The following KANSL1 variants were observed in gnomAD, a reference collection of about 807,000 sequenced individuals.
KANSL1 encodes MLL1/MLL complex subunit KANSL1.
Under a neutral mutation model 103.6 loss-of-function variants are expected in KANSL1, and 22 were observed. The observed-to-expected ratio is 0.21, with a 90% confidence interval of 0.15 to 0.30. KANSL1 has a LOEUF of 0.30. Ranked by LOEUF, KANSL1 falls within the 10% of genes least tolerant of loss-of-function variation. KANSL1 has a pLI of 1.00. For missense variants in KANSL1, 1,337 were observed against 1,399.8 expected, an observed-to-expected ratio of 0.96 and a Z score of 0.72; for synonymous variants, 600 against 527.6, an observed-to-expected ratio of 1.14 and a Z score of -1.88.
upstream of KANSL1, among the ~76,000 whole-genome samples, chr17:46,225,182 C>G (rs957053357): frequency 6.6e-6 from 1 of 152,026 alleles, no homozygotes; most frequent in African/African-American, 2.4e-5. Flanking sequence ...GCGGCGCCCG[C>G]TCCCCGGGCC....
intron 1 of KANSL1, among the ~76,000 whole-genome samples, chr17:46,188,821 C>T (rs1459148402): frequency 1.3e-5 from 2 of 151,766 alleles, no homozygotes; most frequent in African/African-American, 2.4e-5. Flanking sequence ...ACCTGAGGTC[C>T]GGAGTTCAAC....
intron 1 of KANSL1, among the ~76,000 whole-genome samples, chr17:46,189,649 C>T (rs1236860363): frequency 1.3e-5 from 2 of 152,070 alleles, no homozygotes; most frequent in Non-Finnish European, 2.9e-5. Flanking sequence ...TCTGGGAGGC[C>T]GAGGCAGGTG....
At position 46,126,792 on chromosome 17, in the gene KANSL1, C is replaced by T. The variant is rs183153037; in HGVS notation, c.1290-32091G>A. Among the ~76,000 whole-genome samples the T allele has an allele frequency of 2.9e-4, 44 of 152,266 alleles. No individual in the cohort carries two copies. The East Asian group carries it at 6.8e-3, about 23-fold the overall frequency. ...AATTTGATTACCCTAAAAACAAATA[C>T]ATAAACAGCCCGCAAGTTTAGCTCC... On this transcript the variant is annotated intron_variant, in intron 2 of 14. Transcript: ENST00000432791.
chr17:46,107,650 CA>C (rs2042626992), intron 2 of KANSL1, among the ~76,000 whole-genome samples: 1 of 152,204 alleles, frequency 6.6e-6, no homozygotes, highest in Non-Finnish European at 1.5e-5. Flanking sequence ...TTCTGACTCC[CA>C]AATTCCTACC....
At chr17:46,099,273 G>A (rs1344261915) in intron 2 of KANSL1, among the ~76,000 whole-genome samples, 1 of 111,960 alleles carries the variant, frequency 8.9e-6, no homozygotes, top group African/African-American at 2.7e-5. Flanking sequence ...GCAGTGAGCC[G>A]AGATTGCGCC....
intron 7 of KANSL1, chr17:46,049,336 T>A (rs1215508712): frequency 7.0e-6 from 1 of 141,970 alleles, no homozygotes; most frequent in Non-Finnish European, 1.5e-5. Context: ...ACCTCTGGCC[T>A]CCAGGTTCAA....
chr17:46,061,952 C>T lies in KANSL1; in HGVS notation c.1848+4585G>A, dbSNP rs945500607. On this transcript the variant is annotated intron_variant, in intron 6 of 14. Transcript: ENST00000432791. ...ACTAAAAATACAAATATTAGCCAGG[C>T]GTCGTCGTGGGTGCCTGTGATCCCA... is the stretch of plus-strand genomic sequence containing the variant. 7.2e-5 allele frequency among the ~76,000 whole-genome samples: 11 copies of T among 151,744 alleles called. No homozygotes were observed. The East Asian group carries it at 9.7e-4, about 13-fold the overall frequency.
At chr17:46,145,459 G>GA (rs894269434) in intron 2 of KANSL1, among the ~76,000 whole-genome samples, 1 of 152,036 alleles carries the variant, frequency 6.6e-6, no homozygotes, top group Non-Finnish European at 1.5e-5. Context: ...AAGAATTTTG[G>GA]AAAAAAAGAG....
At chr17:46,101,754 C>CAAAAAAAAAAAAAAAAAAAAAAAAAA (rs372439614) in intron 2 of KANSL1, among the ~76,000 whole-genome samples, 1 of 93,682 alleles carries the variant, frequency 1.1e-5, no homozygotes, top group Non-Finnish European at 1.8e-5. Context: ...ACTCTGTCTA[C>CAAAAAAAAAAAAAAAAAAAAAAAAAA]AAAAAAAAAA....
At chr17:46,087,452 T>C (rs911867460) in intron 3 of KANSL1, among the ~76,000 whole-genome samples, 4 of 152,228 alleles carry the variant, frequency 2.6e-5, no homozygotes, top group African/African-American at 9.6e-5. Context: ...GAGTCATTCA[T>C]GCAGGTAGCA....
chr17:46,099,036 A>G lies in KANSL1; in HGVS notation c.1290-4335T>C, dbSNP rs1200178500. ...TCACATCTTTTGTTCCTTAACAAAT[A>G]CAAGCGGCCGGGCGCGGTGGCTCAC... On this transcript the variant is annotated intron_variant, in intron 2 of 14. Coordinates refer to ENST00000432791, the MANE Select transcript of KANSL1 (RefSeq NM_015443.4). Among the ~76,000 whole-genome samples the G allele has an allele frequency of 2.7e-5, 4 of 147,424 alleles. 1 individual carries two copies. Among genetic ancestry groups the G allele is most frequent in the Non-Finnish European group, 6.2e-5 (4 of 64,636 alleles).
chr17:46,157,657 C>T (rs932230825), intron 2 of KANSL1, among the ~76,000 whole-genome samples: 16 of 152,192 alleles, frequency 1.1e-4, no homozygotes, highest in Admixed American at 5.9e-4. Flanking sequence ...CTAAGCAAAC[C>T]GCCTGCAAAT....
chr17:46,153,917 C>T (rs1172539794), intron 2 of KANSL1, among the ~76,000 whole-genome samples: 1 of 152,158 alleles, frequency 6.6e-6, no homozygotes, highest in Non-Finnish European at 1.5e-5. Context: ...CCAGATGCCT[C>T]GATATGTAAG....
chr17:46,063,623 C>T (rs2078257852), intron 6 of KANSL1, among the ~76,000 whole-genome samples: 1 of 152,166 alleles, frequency 6.6e-6, no homozygotes, highest in African/African-American at 2.4e-5. Flanking sequence ...CAGGATGATT[C>T]TGTTTTAGAA....
intron 10 of KANSL1, among the ~76,000 whole-genome samples, chr17:46,036,255 G>A (rs758779684): frequency 7.9e-5 from 12 of 152,108 alleles, no homozygotes; most frequent in Non-Finnish European, 1.3e-4. Context: ...GTTTTTTAAA[G>A]CTGCTGAGGT....
intron 1 of KANSL1, among the ~76,000 whole-genome samples, chr17:46,177,885 C>A (rs568694413): frequency 6.6e-6 from 1 of 152,252 alleles, no homozygotes; most frequent in East Asian, 1.9e-4. Context: ...TCACGCCATT[C>A]TCCTGCCTCA....
chr17:46,098,958 T>C (rs2042192284), intron 2 of KANSL1, among the ~76,000 whole-genome samples: 1 of 152,232 alleles, frequency 6.6e-6, no homozygotes, highest in African/African-American at 2.4e-5. Context: ...GATGTTACCA[T>C]ACTCCAGTGG....
At chr17:46,044,827 T>C (rs987030599) in intron 7 of KANSL1, 3 of 152,180 alleles carry the variant, frequency 2.0e-5, no homozygotes, top group South Asian at 4.1e-4. Context: ...AAAGCAGCAG[T>C]TGGTTGTTAT....
intron 2 of KANSL1, among the ~76,000 whole-genome samples, chr17:46,109,817 T>C (rs1299877657): frequency 6.6e-6 from 1 of 152,250 alleles, no homozygotes; most frequent in African/African-American, 2.4e-5. Flanking sequence ...AGGTACTCTA[T>C]GCCCTTACAT....
Sources: allele counts gnomAD v4.1 joint callset (sites outside exome capture counted in the v4.1 genomes callset), GRCh38; gene constraint gnomAD v4.1.1; transcripts MANE v1.5; gene names NCBI Gene and HGNC (gene_info 2026-07-23, HGNC 2026-07-21).